PCDHGA1: variants seen among roughly 807,000 people sequenced by gnomAD.
The protein encoded by PCDHGA1 is protocadherin gamma subfamily A, 1, also known as protocadherin gamma-A1.
Under a neutral mutation model 58.0 loss-of-function variants are expected in PCDHGA1, and 32 were observed. That is an observed-to-expected ratio of 0.55 (90% CI 0.42 to 0.74). The LOEUF is 0.74. Ranked by LOEUF, PCDHGA1 falls within the 30% of genes least tolerant of loss-of-function variation. PCDHGA1 has a pLI of 0.00. For synonymous variants in PCDHGA1, 498 were observed against 501.1 expected (o/e 0.99, Z 0.08); for missense variants, 1,205 against 1,182.3 (o/e 1.02, Z -0.28).
chr5:141,387,718 T>G, intron 1 of PCDHGA1: 1 of 1,099,216 alleles, frequency 9.1e-7, no homozygotes, highest in South Asian at 1.7e-5. Context: ...CAGCTCAGAC[T>G]CCCCAGCGCC....
intron 1 of PCDHGA1, among the ~76,000 whole-genome samples, chr5:141,472,145 A>G (rs1376068421): frequency 6.6e-6 from 1 of 152,244 alleles, no homozygotes; most frequent in Non-Finnish European, 1.5e-5. Flanking sequence ...TAAAAGTTTC[A>G]TGGTTACATA....
intron 1 of PCDHGA1, among the ~76,000 whole-genome samples, chr5:141,429,781 A>G (rs2097245343): frequency 1.3e-5 from 2 of 152,186 alleles, no homozygotes; most frequent in Non-Finnish European, 2.9e-5. Context: ...TGGGCTTCCA[A>G]AAGTATTACC....
At chr5:141,501,290 T>TACACACACAC (rs55762287) in intron 2 of PCDHGA1, among the ~76,000 whole-genome samples, 12 of 136,162 alleles carry the variant, frequency 8.8e-5, no homozygotes, top group Admixed American at 4.7e-4. Context: ...TATTCCCTTA[T>TACACACACAC]ACACACACAC....
chr5:141,344,606 T>A (rs1040191398), intron 1 of PCDHGA1: 18 of 1,613,934 alleles, frequency 1.1e-5, no homozygotes, highest in Non-Finnish European at 1.4e-5. Context: ...GGGCCAAGTA[T>A]CCAGAGCTGG....
chr5:141,394,972 A>G (rs766374618), intron 1 of PCDHGA1: 1 of 1,613,902 alleles, frequency 6.2e-7, no homozygotes, highest in Non-Finnish European at 8.5e-7. Context: ...AGGCGCTGGC[A>G]CAAGTCACGC....
chr5:141,351,150 T>C, intron 1 of PCDHGA1: 1 of 1,614,020 alleles, frequency 6.2e-7, no homozygotes. Context: ...ACTGGCGACA[T>C]CACAACCAAT....
rs755137237 is a variant in PCDHGA1 at position 141,344,479 on chromosome 5, G to A, written c.2421+11374G>A. 3.1e-6 allele frequency: 5 copies of A among 1,613,906 alleles called. No homozygotes were observed. The South Asian group carries it at 4.4e-5, about 14-fold the overall frequency. On this transcript the variant is annotated intron_variant, in intron 1 of 3. Coordinates refer to ENST00000517417, the MANE Select transcript of PCDHGA1 (RefSeq NM_018912.3). ...AAAATTGGTGAACTAACGGTTCCTGGAACCCGATTTCCAATTAAAACTGCT... is the reference window on the plus strand; with the variant it reads ...AAAATTGGTGAACTAACGGTTCCTGAAACCCGATTTCCAATTAAAACTGCT...
At chr5:141,421,079 T>A (rs2096545177) in intron 1 of PCDHGA1, 1 of 630,528 alleles carries the variant, frequency 1.6e-6, no homozygotes, top group Non-Finnish European at 2.7e-6. Context: ...AGATGGATAC[T>A]CACAGATCCT....
chr5:141,383,681 T>G (rs1299329378), intron 1 of PCDHGA1: 2 of 1,613,902 alleles, frequency 1.2e-6, no homozygotes, highest in Non-Finnish European at 1.7e-6. Flanking sequence ...GGTACAAGAC[T>G]GCTCACGGTA....
chr5:141,342,331 A>G (rs755051300), intron 1 of PCDHGA1: 1 of 152,258 alleles, frequency 6.6e-6, no homozygotes, highest in Non-Finnish European at 1.5e-5. Context: ...TGCCCCTCTG[A>G]TCAATTTTCT....
rs774487660 is a variant in PCDHGA1, at chr5:141,404,806, G to C, written c.2421+71701G>C. 6 of 1,613,874 alleles carry C rather than the reference G, an allele frequency of 3.7e-6. No individual in the cohort carries two copies. In the South Asian group the frequency reaches 5.5e-5, roughly 15 times the overall value. On this transcript the variant is annotated intron_variant, in intron 1 of 3. Transcript: ENST00000517417. ...AGGCCAGTGAGCCAGGGCTCTTCTCGGTGGGGCTGCACACAGGTGAAGTGC... is the reference window on the plus strand; with the variant it reads ...AGGCCAGTGAGCCAGGGCTCTTCTCCGTGGGGCTGCACACAGGTGAAGTGC...
intron 2 of PCDHGA1, among the ~76,000 whole-genome samples, chr5:141,502,866 C>CTTTTTCTT (rs2099816520): frequency 1.6e-5 from 2 of 128,030 alleles, no homozygotes; most frequent in African/African-American, 6.2e-5. Flanking sequence ...GACTCTCTGT[C>CTTTTTCTT]TTTTTTTTTT....
Position 141,487,315 on chromosome 5 carries a change from G to T in PCDHGA1, c.2422-7492G>T, listed in dbSNP as rs568326280. 11 of 1,614,166 alleles carry T rather than the reference G, an allele frequency of 6.8e-6. No individual in the cohort carries two copies. In the South Asian group the frequency reaches 1.2e-4, roughly 18 times the overall value. ...GCTCATTCGTGGCACTACTCTCTAA[G>T]TGTCTTCGTGGGGCAGCCTGTGGAG... On this transcript the variant is annotated intron_variant, in intron 1 of 3. Transcript: ENST00000517417. The surrounding 1 kb of genome is among the most constrained non-coding windows in gnomAD (Gnocchi z 5.0).
intron 1 of PCDHGA1, chr5:141,404,648 G>A (rs1178706213): frequency 6.2e-7 from 1 of 1,614,030 alleles, no homozygotes; most frequent in Non-Finnish European, 8.5e-7. Context: ...CCTGTACCCT[G>A]CCCTCCCCAC....
chr5:141,491,712 G>A lies in PCDHGA1; in HGVS notation c.2422-3095G>A, dbSNP rs932849130. On this transcript the variant is annotated intron_variant, in intron 1 of 3. Coordinates refer to ENST00000517417, the MANE Select transcript of PCDHGA1 (RefSeq NM_018912.3). The surrounding 1 kb of genome is among the most constrained non-coding windows in gnomAD (Gnocchi z 6.9). Reference sequence around the variant, plus strand: ...GGGAGCGGAGCCAGGTGAGGGGCTCGGCGCCGCCCCGGGCGACCCCTGGGG... The same window carrying A: ...GGGAGCGGAGCCAGGTGAGGGGCTCAGCGCCGCCCCGGGCGACCCCTGGGG... The A allele has an allele frequency of 1.2e-6, 2 of 1,609,290 alleles. No homozygotes were observed. Among genetic ancestry groups the A allele is most frequent in the East Asian group, 2.2e-5 (1 of 44,760 alleles).
intron 1 of PCDHGA1, chr5:141,352,224 C>T (rs368925514): frequency 6.2e-7 from 1 of 1,614,092 alleles, no homozygotes. Flanking sequence ...GCCACCGCCA[C>T]GCTGCACCTA....
intron 1 of PCDHGA1, chr5:141,390,232 C>A: frequency 6.2e-7 from 1 of 1,614,020 alleles, no homozygotes. Context: ...GGTGATTCAT[C>A]TGGGGCCTTA....
intron 1 of PCDHGA1, chr5:141,410,046 G>T: frequency 6.2e-7 from 1 of 1,613,174 alleles, no homozygotes; most frequent in Non-Finnish European, 8.5e-7. Context: ...AGTGAGCCCG[G>T]ACTCTTCAGC....
intron 1 of PCDHGA1, chr5:141,416,811 A>C (rs1355425793): frequency 2.6e-5 from 4 of 152,188 alleles, no homozygotes; most frequent in Non-Finnish European, 5.9e-5. Context: ...AAAGTCAAAA[A>C]GCATTCCGAA....
Sources: allele counts gnomAD v4.1 joint callset (sites outside exome capture counted in the v4.1 genomes callset), GRCh38; gene constraint gnomAD v4.1.1; non-coding constraint Gnocchi (gnomAD v3.1); transcripts MANE v1.5; gene names NCBI Gene and HGNC (gene_info 2026-07-23, HGNC 2026-07-21).